Variants in WDPCP observed in about 807,000 individuals in gnomAD.
WDPCP encodes the protein WD repeat containing planar cell polarity effector, also known as WD repeat-containing and planar cell polarity effector protein fritz homolog.
A neutral mutation model predicts 93.1 loss-of-function variants in WDPCP; 71 were observed. The ratio of observed to expected loss-of-function variants is 0.76; its 90% CI spans 0.63 to 0.93. The LOEUF (loss-of-function observed/expected upper bound fraction) is 0.93, where lower values mean the gene tolerates loss of function less well. Ranked by LOEUF, WDPCP falls within the 40% of genes least tolerant of loss-of-function variation. The pLI is 0.00. For synonymous variants in WDPCP, 315 were observed against 315.0 expected, an observed-to-expected ratio of 1.00 and a Z score of 0.00; for missense variants, 844 against 887.4, an observed-to-expected ratio of 0.95 and a Z score of 0.62.
chr2:63,686,637 G>A (rs544857261), intron 2 of WDPCP, among the ~76,000 whole-genome samples: 45 of 152,184 alleles, frequency 3.0e-4, no homozygotes, highest in African/African-American at 1.0e-3. Context: ...AATCTATCCT[G>A]AGCAAAAAGA....
At chr2:63,528,728 G>C (rs1335308594) in intron 1 of WDPCP, among the ~76,000 whole-genome samples, 2 of 152,198 alleles carry the variant, frequency 1.3e-5, no homozygotes, top group South Asian at 4.1e-4. Flanking sequence ...GAACTTTAAA[G>C]TTGTTTTTCC....
At chr2:63,681,776 G>A (rs1204771661) in intron 2 of WDPCP, among the ~76,000 whole-genome samples, 1 of 152,170 alleles carries the variant, frequency 6.6e-6, no homozygotes, top group East Asian at 1.9e-4. Flanking sequence ...CACAGTCTCA[G>A]CAGTGGTGGC....
chr2:63,204,777 G>A (rs1036220518), intron 14 of WDPCP, among the ~76,000 whole-genome samples: 1 of 151,860 alleles, frequency 6.6e-6, no homozygotes, highest in African/African-American at 2.4e-5. Context: ...GGTAGTTTGC[G>A]GTATTTTCCC....
chr2:63,737,169 A>G (rs1318666564), intron 2 of WDPCP, among the ~76,000 whole-genome samples: 4 of 152,136 alleles, frequency 2.6e-5, no homozygotes, highest in Non-Finnish European at 4.4e-5. Flanking sequence ...CCTTCAAGCC[A>G]TGTCCCACTG....
chr2:63,827,905 T>C (rs1438698292), upstream of WDPCP: 3 of 152,166 alleles, frequency 2.0e-5, no homozygotes, highest in Admixed American at 1.3e-4. Flanking sequence ...TGCAGTTTCA[T>C]GGGGGTATGC....
intron 1 of WDPCP, among the ~76,000 whole-genome samples, chr2:63,816,738 T>C (rs969315771): frequency 3.9e-5 from 6 of 152,150 alleles, no homozygotes; most frequent in Non-Finnish European, 5.9e-5. Context: ...AGGAAACTAA[T>C]ACAGGGATAT....
At chr2:63,695,954 C>A (rs1668954567) in intron 2 of WDPCP, among the ~76,000 whole-genome samples, 3 of 152,070 alleles carry the variant, frequency 2.0e-5, no homozygotes, top group Admixed American at 2.0e-4. Context: ...AAACAAAGAC[C>A]CCCTGGCACC....
At chr2:63,286,657 C>T (rs997059106) in intron 13 of WDPCP, among the ~76,000 whole-genome samples, 2 of 152,238 alleles carry the variant, frequency 1.3e-5, no homozygotes, top group Non-Finnish European at 1.5e-5. Flanking sequence ...TTCACACAGA[C>T]ACACGTGACA....
chr2:63,122,218 AC>A (rs1669590922), intron 17 of WDPCP, among the ~76,000 whole-genome samples, 162 bp from the exon 18 acceptor site: 2 of 152,206 alleles, frequency 1.3e-5, no homozygotes, highest in African/African-American at 4.8e-5. Context: ...TACTTACCTG[AC>A]TTGGTCATCA....
At chr2:63,135,837 T>C (rs1670578565) in intron 17 of WDPCP, among the ~76,000 whole-genome samples, 1 of 152,152 alleles carries the variant, frequency 6.6e-6, no homozygotes, top group South Asian at 2.1e-4. Context: ...GCTCAGGCAA[T>C]GCTCCTGCCT....
At chr2:63,295,013 G>A (rs1335492324) in intron 13 of WDPCP, among the ~76,000 whole-genome samples, 3 of 151,968 alleles carry the variant, frequency 2.0e-5, no homozygotes, top group Admixed American at 2.0e-4. Flanking sequence ...AACCAAAAAG[G>A]GTGTAGAGAA....
chr2:63,136,752 C>A (rs563816706), intron 17 of WDPCP, among the ~76,000 whole-genome samples: 1 of 152,236 alleles, frequency 6.6e-6, no homozygotes, highest in Non-Finnish European at 1.5e-5. Flanking sequence ...TGTTGTTTCC[C>A]TCTATGTGTC....
chr2:63,634,248 A>C (rs1451239567), intron 3 of WDPCP, among the ~76,000 whole-genome samples: 1 of 152,254 alleles, frequency 6.6e-6, no homozygotes, highest in Non-Finnish European at 1.5e-5. Context: ...GAAAGAGAGC[A>C]GGGATAGCTA....
chr2:63,331,202 A>G (rs981634725), intron 12 of WDPCP, among the ~76,000 whole-genome samples: 15 of 152,222 alleles, frequency 9.9e-5, no homozygotes, highest in Admixed American at 9.2e-4. Flanking sequence ...ATTTGACACC[A>G]TGTAGAACAG....
At chr2:63,583,936 T>A in intron 1 of WDPCP, among the ~76,000 whole-genome samples, 1 of 151,798 alleles carries the variant, frequency 6.6e-6, no homozygotes, top group Non-Finnish European at 1.5e-5. Context: ...CGAGACCACA[T>A]CTCAAAGAAG....
At chr2:63,353,748 C>T (rs1437592680) in intron 12 of WDPCP, among the ~76,000 whole-genome samples, 1 of 152,190 alleles carries the variant, frequency 6.6e-6, no homozygotes, top group Non-Finnish European at 1.5e-5. Context: ...TGGGATGAAG[C>T]TCCCAGAGGG....
intron 10 of WDPCP, among the ~76,000 whole-genome samples, chr2:63,390,087 A>G (rs925288968): frequency 6.6e-6 from 1 of 152,258 alleles, no homozygotes; most frequent in African/African-American, 2.4e-5. Flanking sequence ...AATCAAGAGA[A>G]TATACATTCT....
intron 14 of WDPCP, among the ~76,000 whole-genome samples, chr2:63,217,313 A>T (rs1398609203): frequency 6.6e-6 from 1 of 152,238 alleles, no homozygotes; most frequent in African/African-American, 2.4e-5. Flanking sequence ...TTGGACTACA[A>T]GGGCAGAGTC....
intron 9 of WDPCP, among the ~76,000 whole-genome samples, chr2:63,425,084 C>G (rs962432021): frequency 6.6e-6 from 1 of 152,156 alleles, no homozygotes; most frequent in Non-Finnish European, 1.5e-5. Flanking sequence ...CTTGTGAAAC[C>G]GAGAGCAAGA....
Sources: allele counts gnomAD v4.1 joint callset (sites outside exome capture counted in the v4.1 genomes callset), GRCh38; gene constraint gnomAD v4.1.1; transcripts MANE v1.5; gene names NCBI Gene and HGNC (gene_info 2026-07-23, HGNC 2026-07-21).